The following GLB1L2 variants were observed in gnomAD, a reference collection of about 807,000 sequenced individuals.
GLB1L2 encodes the protein galactosidase beta 1 like 2, also known as beta-galactosidase-1-like protein 2.
In GLB1L2, 68 loss-of-function variants were observed where a neutral mutation model predicts 84.1. The observed-to-expected ratio is 0.81, with a 90% CI of 0.67 to 0.99. The LOEUF (loss-of-function observed/expected upper bound fraction) is 0.99, where lower values mean the gene tolerates loss of function less well. Among genes scored for constraint, GLB1L2 ranks in the 50% least tolerant of loss-of-function variants. The probability of loss-of-function intolerance (pLI) is 0.00; values close to 1 mark genes in which losing one functional copy is unlikely to be tolerated. For missense variants in GLB1L2, 762 were observed against 805.6 expected (o/e 0.95, Z 0.66); for synonymous variants, 290 against 318.0 (o/e 0.91, Z 0.94).
intron 4 of GLB1L2, chr11:134,346,884 A>C (rs1032891576): frequency 2.3e-5 from 4 of 177,260 alleles, no homozygotes; most frequent in Non-Finnish European, 4.9e-5. Flanking sequence ...CCTCCTGCTC[A>C]GCCCCTCGCA....
At position 134,339,431 on chromosome 11, in the gene GLB1L2, C is replaced by A. The variant is rs1196220718; in HGVS notation, c.87-3323C>A. ...GTGAATTCCTTGGAGAAACCCAACA[C>A]GTATCATCCTCATTTTCTTGGTGAA... On this transcript the variant is annotated intron_variant, in intron 1 of 18. Transcript: ENST00000535456. The surrounding 1 kb of genome is among the most constrained non-coding windows in gnomAD (Gnocchi z 5.7). Among the ~76,000 whole-genome samples, 1 of 152,080 alleles carries A rather than the reference C, an allele frequency of 6.6e-6. No individual in the cohort carries two copies. The highest frequency in any genetic ancestry group is 2.1e-4 in the South Asian group (1 of 4,824).
rs1035188111 is a variant in GLB1L2 at position 134,334,601 on chromosome 11, A to G, written c.86+2454A>G. 3.9e-5 allele frequency among the ~76,000 whole-genome samples: 6 copies of G among 152,064 alleles called. No homozygotes were observed. Among genetic ancestry groups the G allele is most frequent in the Non-Finnish European group, 5.9e-5 (4 of 68,010 alleles). ...CTATCACCACAGTTAAGATTGTGAA[A>G]ACAGCCACCAGCCCCCAAAGTTTCC... On this transcript the variant is annotated intron_variant, in intron 1 of 18. Transcript: ENST00000535456. This position sits in a 1 kb window ranked among gnomAD's most constrained non-coding sequence, Gnocchi z 4.1.
intron 8 of GLB1L2, 115 bp downstream of exon 8, chr11:134,364,513 T>C: frequency 1.3e-6 from 1 of 793,790 alleles, no homozygotes; most frequent in South Asian, 1.6e-5. Flanking sequence ...TCAGGGCTGA[T>C]GGCCTCTGGC....
intron 4 of GLB1L2, among the ~76,000 whole-genome samples, chr11:134,345,962 C>G (rs1943547741): frequency 6.6e-6 from 1 of 152,130 alleles, no homozygotes; most frequent in African/African-American, 2.4e-5. Context: ...CAGGAATCAG[C>G]TGGGACTTCA....
chr11:134,368,295 A>T (rs1403749453), intron 9 of GLB1L2, among the ~76,000 whole-genome samples: 1 of 152,212 alleles, frequency 6.6e-6, no homozygotes, highest in Non-Finnish European at 1.5e-5. Context: ...GATGCATCCC[A>T]TCTTTGTGCA....
rs769171747 is a variant in GLB1L2, at chr11:134,371,455, A to T, written c.1391A>T (p.Asp464Val). 1.4e-5 allele frequency: 22 copies of T among 1,602,028 alleles called. No homozygotes were observed. In the South Asian group the frequency reaches 2.2e-4, roughly 16 times the overall value. ...AACACAGTATCCATAGGATTCTTGG[A>T]CTACAAGACAACGAAGATTGCTGTC... ...FVNTVSIGFL[D>V]YKTTKIAVPL... The change falls in exon 14 of 19, where the codon GAC becomes GTC. Residue 464 changes from aspartate (D) to valine (V), a missense_variant. Asp to Val is a radical substitution (Grantham distance 152). Transcript: ENST00000535456.
chr11:134,372,974 G>T (rs1367800586), intron 15 of GLB1L2, among the ~76,000 whole-genome samples: 1 of 152,198 alleles, frequency 6.6e-6, no homozygotes, highest in Non-Finnish European at 1.5e-5. Context: ...CTGAGCCCTT[G>T]TTGAGGGTCC....
rs1444898311 is a variant in GLB1L2, at chr11:134,339,105, G to A, written c.87-3649G>A. On this transcript the variant is annotated intron_variant, in intron 1 of 18. Transcript: ENST00000535456. This position sits in a 1 kb window ranked among gnomAD's most constrained non-coding sequence, Gnocchi z 5.7. Reference sequence around the variant, plus strand: ...TGGTTTCATCAGATAAAGGTCCATCGTGGATGAACTGCTCCCCAAGAAAAG... The same window carrying A: ...TGGTTTCATCAGATAAAGGTCCATCATGGATGAACTGCTCCCCAAGAAAAG... Among the ~76,000 whole-genome samples, 6 of 152,200 alleles carry A rather than the reference G, an allele frequency of 3.9e-5. No homozygotes were observed. The highest frequency in any genetic ancestry group is 9.6e-5 in the African/African-American group (4 of 41,454).
intron 8 of GLB1L2, among the ~76,000 whole-genome samples, chr11:134,366,474 G>T (rs1943868685): frequency 6.6e-6 from 1 of 152,164 alleles, no homozygotes; most frequent in Non-Finnish European, 1.5e-5. Flanking sequence ...TTGACAAGCT[G>T]TCACTGAATA....
rs1430023565 is a variant in GLB1L2 at position 134,334,526 on chromosome 11, A to G, written c.86+2379A>G. ...AATTACCTTTATTGGAGTTTAATTA[A>G]TATGTACAATTTGATAAGCTTTGAC... On this transcript the variant is annotated intron_variant, in intron 1 of 18. Transcript: ENST00000535456. This position sits in a 1 kb window ranked among gnomAD's most constrained non-coding sequence, Gnocchi z 4.1. Among the ~76,000 whole-genome samples, 1 of 151,970 alleles carries G rather than the reference A, an allele frequency of 6.6e-6. No homozygotes were observed. The highest frequency in any genetic ancestry group is 1.9e-4 in the East Asian group (1 of 5,184).
Position 134,344,471 on chromosome 11 carries a change from G to C in GLB1L2, c.353+16G>C. On this transcript the variant is annotated intron_variant, in intron 3 of 18. Transcript: ENST00000535456. The stretch of plus-strand genomic sequence containing the variant: ...TGGACCTGGAGTATGTGGTGTTGCT[G>C]CTTCTGTGAACTGGCCAGGGGCAGG... 6.2e-7 allele frequency: 1 copy of C among 1,611,600 alleles called. No homozygotes were observed. The highest frequency in any genetic ancestry group is 8.5e-7 in the Non-Finnish European group (1 of 1,179,400).
chr11:134,367,464 A>G, intron 9 of GLB1L2, 123 bp downstream of exon 9: 1 of 759,552 alleles, frequency 1.3e-6, no homozygotes. Context: ...ATCTGTGTGC[A>G]GAAGTTGGCT....
chr11:134,336,521 A>T lies in GLB1L2; in HGVS notation c.86+4374A>T, dbSNP rs56257797. 7.8e-3 allele frequency among the ~76,000 whole-genome samples: 1,190 copies of T among 152,342 alleles called. 11 individuals carry two copies. Among genetic ancestry groups the T allele is most frequent in the Non-Finnish European group, 0.01 (703 of 68,030 alleles). On this transcript the variant is annotated intron_variant, in intron 1 of 18. Transcript: ENST00000535456. ...TTGTTTGCAATCTTTTAGCTACTGT[A>T]AACAAAGCTGCTGCAGATATCTGTT...
chr11:134,344,445 C>T lies in GLB1L2; in HGVS notation c.343C>T (p.Leu115=). The part of the protein sequence containing the change: ...ERGKFDFSGN[L]DLEAFVLMAA... Reference sequence around the variant, plus strand: ...AGGCAAATTTGACTTCTCTGGGAACCTGGACCTGGAGTATGTGGTGTTGCT... The same window carrying T: ...AGGCAAATTTGACTTCTCTGGGAACTTGGACCTGGAGTATGTGGTGTTGCT... Residue 115 remains leucine, a synonymous_variant, in exon 3 of 19, where the codon CTG becomes TTG. Coordinates refer to ENST00000535456, the MANE Select transcript of GLB1L2 (RefSeq NM_001370461.1). The T allele has an allele frequency of 6.2e-7, 1 of 1,612,778 alleles. No individual in the cohort carries two copies. The highest frequency in any genetic ancestry group is 1.1e-5 in the South Asian group (1 of 91,002).
At chr11:134,332,861 C>G (rs1420054200) in intron 1 of GLB1L2, among the ~76,000 whole-genome samples, 4 of 152,194 alleles carry the variant, frequency 2.6e-5, no homozygotes, top group Non-Finnish European at 5.9e-5. Context: ...CCTAGCCCAG[C>G]ATTTTTCTAA....
At chr11:134,337,460 A>G (rs77055159) in intron 1 of GLB1L2, among the ~76,000 whole-genome samples, 7 of 152,190 alleles carry the variant, frequency 4.6e-5, no homozygotes, top group African/African-American at 1.7e-4. Context: ...CCAAGAGGCA[A>G]TATTTTGGAG....
intron 7 of GLB1L2, chr11:134,359,503 G>A (rs567474535): frequency 1.1e-4 from 20 of 183,610 alleles, no homozygotes; most frequent in African/African-American, 2.6e-4. Flanking sequence ...TCTCCATTCC[G>A]CCTGGCACCT....
chr11:134,358,842 G>T (rs1340880149), intron 6 of GLB1L2, among the ~76,000 whole-genome samples: 1 of 152,272 alleles, frequency 6.6e-6, no homozygotes, highest in Non-Finnish European at 1.5e-5. Context: ...TAGTTTGCCA[G>T]CCCTGCCCCT....
At chr11:134,366,475 T>C (rs561357038) in intron 8 of GLB1L2, among the ~76,000 whole-genome samples, 7 of 152,286 alleles carry the variant, frequency 4.6e-5, no homozygotes, top group African/African-American at 1.7e-4. Flanking sequence ...TGACAAGCTG[T>C]CACTGAATAA....
Sources: gnomAD v4.1 joint callset for allele counts (sites outside exome capture counted in the v4.1 genomes callset) on GRCh38, gnomAD v4.1.1 for gene constraint, Gnocchi (gnomAD v3.1) non-coding constraint, MANE v1.5 for transcripts, NCBI Gene and HGNC (gene_info 2026-07-23, HGNC 2026-07-21) for gene names.